Variants in KLF16 observed in about 807,000 individuals in gnomAD.
The protein encoded by KLF16 is KLF transcription factor 16.
In KLF16, 6 loss-of-function variants were observed where a neutral mutation model predicts 6.1. The observed-to-expected ratio is 0.98, with a 90% confidence interval of 0.54 to 1.93. The LOEUF (loss-of-function observed/expected upper bound fraction) is 1.93, where lower values mean the gene tolerates loss of function less well. KLF16 is among the 30% of genes most tolerant of loss of function. The pLI, the probability that KLF16 is intolerant of heterozygous loss-of-function variation, is 0.01. For missense variants in KLF16, 355 were observed against 363.8 expected (o/e 0.98, Z 0.20); for synonymous variants, 211 against 176.5 (o/e 1.20, Z -1.55).
At chr19:1,872,780 G>A in the KLF16 span, among the ~76,000 whole-genome samples, 12 of 149,520 alleles carry the variant, frequency 8.0e-5, no homozygotes, top group Admixed American at 4.6e-4. Context: ...TGGGGAAGCA[G>A]GGACAGTCAC....
In KLF16 at chr19:1,853,448, C is replaced by A. The variant is rs959410251; in HGVS notation, c.*1011G>T. 5 of 152,662 alleles carry A rather than the reference C, an allele frequency of 3.3e-5. No homozygotes were observed. The highest frequency in any genetic ancestry group is 1.2e-4 in the African/African-American group (5 of 41,420). The allele number at this position is 152,662 out of a possible 1,614,324, so 9.5% of individuals were successfully genotyped here. On this transcript the variant is annotated 3_prime_UTR_variant, in exon 2 of 2. Coordinates refer to ENST00000250916, the MANE Select transcript of KLF16 (RefSeq NM_031918.4). ...GAAGCAGGGCCGGGCCAGGCTGCAG[C>A]CCAGGCCCGGAAGAGCCTGCAACCC... is the stretch of plus-strand genomic sequence containing the variant.
chr19:1,870,946 A>G, the KLF16 span, among the ~76,000 whole-genome samples: 7 of 152,256 alleles, frequency 4.6e-5, no homozygotes, highest in Non-Finnish European at 1.0e-4. Context: ...CTGTAAGCCA[A>G]GATTGCGCCA....
At position 1,863,490 on chromosome 19, in the gene KLF16, G is replaced by A. The variant is rs1270063792; in HGVS notation, c.8C>T (p.Ala3Val). Reference protein sequence around the residue: MSAAVACVDYFAA... With the variant: MSVAVACVDYFAA... The stretch of plus-strand genomic sequence containing the variant: ...GAAGTAATCCACGCACGCCACGGCC[G>A]CCGACATGCCGAGCAAGGGCGCGCG... Residue 3 changes from alanine (A) to valine (V), a missense_variant, in exon 1 of 2, where the codon GCG becomes GTG. Ala to Val is a moderately conservative substitution (Grantham distance 64). Transcript: ENST00000250916. The A allele has an allele frequency of 2.0e-6, 2 of 1,018,634 alleles. No individual in the cohort carries two copies. The highest frequency in any genetic ancestry group is 3.4e-5 in the South Asian group (1 of 29,596). 63.1% of individuals were successfully genotyped at this position (1,018,634 alleles called of 1,614,324 possible).
At chr19:1,863,835 G>A (rs1159063034), upstream of KLF16, among the ~76,000 whole-genome samples, 19 of 144,272 alleles carry the variant, frequency 1.3e-4, no homozygotes, top group Admixed American at 1.0e-3. Context: ...CCCCCGGCGC[G>A]CCCACTCCGG....
intron 1 of KLF16, among the ~76,000 whole-genome samples, chr19:1,856,963 G>GGGGGGGGGGGGGC (rs1466347651): frequency 1.7e-5 from 2 of 117,452 alleles, no homozygotes; most frequent in Admixed American, 7.9e-5. Context: ...GGTGGGGGGG[G>GGGGGGGGGGGGGC]CGACCGGGGC....
Position 1,854,681 on chromosome 19 carries a change from C to A in KLF16, c.537G>T (p.Arg179=). The A allele has an allele frequency of 1.2e-5, 20 of 1,600,592 alleles. No homozygotes were observed. The highest frequency in any genetic ancestry group is 1.7e-5 in the Non-Finnish European group (20 of 1,179,648). The change falls in exon 2 of 2, where the codon CGG becomes CGT. Residue 179 remains arginine, a synonymous_variant. Transcript: ENST00000250916. ...ARSDELARHH[R]THTGEKRFSC... The stretch of plus-strand genomic sequence containing the variant: ...AGAAGCGCTTCTCGCCCGTGTGCGT[C>A]CGGTGGTGGCGGGCCAGCTCGTCGG...
intron 1 of KLF16, chr19:1,861,946 C>T (rs1051606742): frequency 6.6e-6 from 1 of 152,216 alleles, no homozygotes; most frequent in African/African-American, 2.4e-5. Context: ...TCCAGCTGCC[C>T]AAAGCGGCCA....
At chr19:1,864,556 G>A (rs1044627844), upstream of KLF16, among the ~76,000 whole-genome samples, 1 of 152,184 alleles carries the variant, frequency 6.6e-6, no homozygotes, top group Non-Finnish European at 1.5e-5. Context: ...ATAGGGGGAC[G>A]GGAAGAGGGG....
At chr19:1,859,808 C>A (rs1379656914) in intron 1 of KLF16, among the ~76,000 whole-genome samples, 1 of 152,158 alleles carries the variant, frequency 6.6e-6, no homozygotes, top group Non-Finnish European at 1.5e-5. Flanking sequence ...TGGGATACAA[C>A]TGGGGGTGAC....
the KLF16 span, among the ~76,000 whole-genome samples, chr19:1,874,074 AACTAGT>A: frequency 6.6e-6 from 1 of 152,232 alleles, no homozygotes; most frequent in Non-Finnish European, 1.5e-5. Context: ...TGTCTTGTGG[AACTAGT>A]ACCACATGGA....
chr19:1,858,672 A>C (rs949673853), intron 1 of KLF16, among the ~76,000 whole-genome samples: 5 of 151,866 alleles, frequency 3.3e-5, no homozygotes, highest in African/African-American at 1.2e-4. Flanking sequence ...TGTCCTCCCC[A>C]CCCCGCCGCC....
chr19:1,867,345 G>A (rs571225894), upstream of KLF16, among the ~76,000 whole-genome samples: 1 of 152,214 alleles, frequency 6.6e-6, no homozygotes, highest in Admixed American at 6.5e-5. Flanking sequence ...TGAGATGGGA[G>A]GACTGCTTGA....
At chr19:1,859,545 G>A (rs2012021006) in intron 1 of KLF16, among the ~76,000 whole-genome samples, 1 of 151,780 alleles carries the variant, frequency 6.6e-6, no homozygotes, top group Non-Finnish European at 1.5e-5. Context: ...CCTTGCCGAG[G>A]TGCCCCCTCC....
chr19:1,871,378 G>A, the KLF16 span, among the ~76,000 whole-genome samples: 3 of 152,298 alleles, frequency 2.0e-5, no homozygotes, highest in African/African-American at 7.2e-5. Flanking sequence ...GGCCTGCAGA[G>A]GACGCACTCA....
rs1399353003 is a variant in KLF16, at chr19:1,857,880, A to G, written c.458-3120T>C. Among the ~76,000 whole-genome samples, 2 of 152,032 alleles carry G rather than the reference A, an allele frequency of 1.3e-5. No homozygotes were observed. Among genetic ancestry groups the G allele is most frequent in the Non-Finnish European group, 2.9e-5 (2 of 67,968 alleles). On this transcript the variant is annotated intron_variant, in intron 1 of 1. Transcript: ENST00000250916. This position sits in a 1 kb window ranked among gnomAD's most constrained non-coding sequence, Gnocchi z 4.7. ...TGAAGGTGATCCTTGAGCAGGTTCT[A>G]TAGAACCTATAGGCAGCTGCTTCTG...
the KLF16 span, among the ~76,000 whole-genome samples, chr19:1,870,285 T>A: frequency 6.6e-6 from 1 of 152,028 alleles, no homozygotes; most frequent in African/African-American, 2.4e-5. Context: ...CTGGACTGAA[T>A]AATAATAATG....
chr19:1,869,439 C>T, the KLF16 span, among the ~76,000 whole-genome samples: 2 of 152,138 alleles, frequency 1.3e-5, no homozygotes, highest in African/African-American at 4.8e-5. Flanking sequence ...AAGATCACAC[C>T]ACTGCACTCC....
At chr19:1,876,478 G>C in the KLF16 span, among the ~76,000 whole-genome samples, 2 of 152,200 alleles carry the variant, frequency 1.3e-5, no homozygotes, top group African/African-American at 2.4e-5. Flanking sequence ...CTCTTCCAGG[G>C]GAGACCCTCG....
the KLF16 span, among the ~76,000 whole-genome samples, chr19:1,868,797 C>T: frequency 1.3e-5 from 2 of 152,104 alleles, no homozygotes; most frequent in African/African-American, 4.8e-5. Context: ...CATATACCAC[C>T]ATGCCCAGAT....
Sources: gnomAD v4.1 joint callset for allele counts (sites outside exome capture counted in the v4.1 genomes callset) on GRCh38, gnomAD v4.1.1 for gene constraint, Gnocchi (gnomAD v3.1) non-coding constraint, MANE v1.5 for transcripts, NCBI Gene and HGNC (gene_info 2026-07-23, HGNC 2026-07-21) for gene names.